LCOR: variants seen among roughly 807,000 people sequenced by gnomAD.
LCOR encodes ligand dependent nuclear receptor corepressor.
A neutral mutation model predicts 64.4 loss-of-function variants in LCOR; 14 were observed. The observed-to-expected ratio is 0.22, with a 90% confidence interval of 0.14 to 0.34. The LOEUF (loss-of-function observed/expected upper bound fraction) is 0.34. LCOR is among the 10% of genes least tolerant of loss of function. LCOR has a pLI of 1.00. For missense variants in LCOR, 1,686 were observed against 1,765.3 expected (o/e 0.96, Z 0.80); for synonymous variants, 643 against 642.5 (o/e 1.00, Z -0.01).
chr10:96,981,241 A>G lies in LCOR; in HGVS notation c.781A>G (p.Ser261Gly), dbSNP rs1231107364. 1.1e-6 allele frequency: 1 copy of G among 880,828 alleles called. No individual in the cohort carries two copies. The highest frequency in any genetic ancestry group is 1.8e-6 in the Non-Finnish European group (1 of 540,610). The allele number at this position is 880,828 out of a possible 1,614,324, so 54.6% of individuals were successfully genotyped here. A position where few individuals can be genotyped will look rare whatever the true frequency, so the allele number is the denominator to read the frequency against. The change falls in exon 8 of 8, where the codon AGT becomes GGT. Residue 261 changes from serine to glycine, a missense_variant. By Grantham distance (56) the Ser-to-Gly change is moderately conservative. Coordinates refer to ENST00000421806, the MANE Select transcript of LCOR (RefSeq NM_001346516.2). Reference protein sequence around the residue: ...PTTKSNSINSSSVDSFTPGYL... With the variant: ...PTTKSNSINSGSVDSFTPGYL... ...CACTAAATCGAATTCTATTAATAGC[A>G]GTTCAGTGGATAGTTTCACTCCGGG...
chr10:96,875,813 C>T (rs1846154731), intron 2 of LCOR, among the ~76,000 whole-genome samples: 1 of 151,948 alleles, frequency 6.6e-6, no homozygotes, highest in African/African-American at 2.4e-5. Flanking sequence ...CTGCAGTGAG[C>T]TGTGTTTGCA....
chr10:96,868,073 G>A (rs1435378176), intron 2 of LCOR, among the ~76,000 whole-genome samples: 4 of 151,504 alleles, frequency 2.6e-5, no homozygotes, highest in East Asian at 2.0e-4. Context: ...TAGTAGAGAC[G>A]GAGTTTCTCC....
chr10:96,985,138 G>C lies in LCOR; in HGVS notation c.*4G>C. ...GAGGCGGCTGGATGCAAAGTGATTG[G>C]AAAGATGGTAGCCAAGAGTAAAACT... On this transcript the variant is annotated 3_prime_UTR_variant, in exon 8 of 8. Transcript: ENST00000421806. The C allele has an allele frequency of 6.3e-7, 1 of 1,585,020 alleles. No individual in the cohort carries two copies. The highest frequency in any genetic ancestry group is 8.6e-7 in the Non-Finnish European group (1 of 1,169,548).
Position 96,981,308 on chromosome 10 carries a change from A to T in LCOR, c.848A>T (p.His283Leu). ...AATTGTTCCTCAGTGAACTTCCACC[A>T]CATCCCTAAAATCTTGGAGGGGCAG... ...ASNCSSVNFH[H>L]IPKILEGQTT... is the part of the protein sequence containing the mutation. The change falls in exon 8 of 8, where the codon CAC becomes CTC. Residue 283 changes from histidine to leucine, a missense_variant. His to Leu is a moderately conservative substitution (Grantham distance 99). This residue lies in a region of LCOR where 313 missense variants were observed against 247.2 expected (regional missense o/e 1.27). Coordinates refer to ENST00000421806, the MANE Select transcript of LCOR (RefSeq NM_001346516.2). 6.4e-7 allele frequency: 1 copy of T among 1,561,682 alleles called. No individual in the cohort carries two copies. The highest frequency in any genetic ancestry group is 8.8e-7 in the Non-Finnish European group (1 of 1,135,480).
chr10:96,923,811 G>A (rs185038865), intron 4 of LCOR, among the ~76,000 whole-genome samples: 3 of 152,194 alleles, frequency 2.0e-5, no homozygotes, highest in African/African-American at 7.2e-5. Flanking sequence ...TCTTTATCAG[G>A]GGTCAGCAAA....
intron 7 of LCOR, among the ~76,000 whole-genome samples, chr10:96,971,396 G>A (rs982238961): frequency 7.2e-5 from 11 of 152,134 alleles, no homozygotes; most frequent in Admixed American, 6.5e-4. Flanking sequence ...CTTAATGCCT[G>A]CCATGAGTTG....
At chr10:96,844,098 TCCCTCCCTTCCTTCCC>T (rs1845586590) in intron 2 of LCOR, among the ~76,000 whole-genome samples, 1 of 17,492 alleles carries the variant, frequency 5.7e-5, no homozygotes, top group Non-Finnish European at 1.1e-4. Context: ...CCACCCTCCC[TCCCTCCCTTCCTTCCC>T]CCCTCCCTCC....
intron 4 of LCOR, among the ~76,000 whole-genome samples, chr10:96,911,762 C>G (rs758839985): frequency 3.9e-5 from 6 of 152,172 alleles, no homozygotes; most frequent in Non-Finnish European, 7.3e-5. Context: ...TCTTTCCTTC[C>G]TCCCATTTTC....
At chr10:96,955,544 A>T in intron 7 of LCOR, 1 of 1,614,158 alleles carries the variant, frequency 6.2e-7, no homozygotes, top group East Asian at 2.2e-5. Flanking sequence ...TAGATGCTGG[A>T]CCCGATTCTT....
chr10:96,845,211 CGTT>C (rs756039110), intron 2 of LCOR, among the ~76,000 whole-genome samples: 23 of 151,938 alleles, frequency 1.5e-4, no homozygotes, highest in Non-Finnish European at 2.8e-4. Context: ...CACAGGAAGA[CGTT>C]GTGACAAAGG....
chr10:96,983,926 C>T lies in LCOR; in HGVS notation c.3466C>T (p.Arg1156Trp), dbSNP rs769608134. The T allele has an allele frequency of 6.2e-7, 1 of 1,614,124 alleles. No homozygotes were observed. Among genetic ancestry groups the T allele is most frequent in the Admixed American group, 1.7e-5 (1 of 60,012 alleles). The change falls in exon 8 of 8, where the codon CGG (arginine) becomes TGG (tryptophan). Residue 1156 changes from arginine to tryptophan, a missense_variant. Coordinates refer to ENST00000421806, the MANE Select transcript of LCOR (RefSeq NM_001346516.2). The surrounding 1 kb of genome is among the most constrained non-coding windows in gnomAD (Gnocchi z 4.5). ...KEIWKSKKRS[R>W]KCRSSLESQK... is the part of the protein sequence containing the mutation. ...GATTTGGAAAAGCAAGAAAAGGTCA[C>T]GGAAATGTAGGAGTTCATTGGAGAG...
chr10:96,956,121 G>T (rs916975436), intron 7 of LCOR: 149 of 1,394,526 alleles, frequency 1.1e-4, no homozygotes, highest in Non-Finnish European at 1.4e-4. Context: ...GTATGGCTCG[G>T]AATATGTTTG....
Position 96,914,487 on chromosome 10 carries a change from G to A in LCOR, c.-184+6740G>A, listed in dbSNP as rs576767352. Among the ~76,000 whole-genome samples the A allele has an allele frequency of 5.3e-4, 81 of 152,344 alleles. 1 individual carries two copies. The highest frequency in any genetic ancestry group is 1.1e-3 in the African/African-American group (46 of 41,580). On this transcript the variant is annotated intron_variant, in intron 4 of 7. Transcript: ENST00000421806. ...GCTGGGATTACAGGCGCGAGCCACCGCGCCTGGCCTTTATTGCTATTTTAA... is the reference window on the plus strand; with the variant it reads ...GCTGGGATTACAGGCGCGAGCCACCACGCCTGGCCTTTATTGCTATTTTAA...
intron 4 of LCOR, among the ~76,000 whole-genome samples, chr10:96,928,371 A>G (rs967705711): frequency 1.3e-5 from 2 of 152,128 alleles, no homozygotes; most frequent in Admixed American, 6.5e-5. Context: ...GTAAGAAACC[A>G]CTTTCTTCAA....
At chr10:96,868,278 CTT>C (rs528398644) in intron 2 of LCOR, among the ~76,000 whole-genome samples, 16 of 136,544 alleles carry the variant, frequency 1.2e-4, no homozygotes, top group Admixed American at 1.5e-4. Flanking sequence ...CTTTTCTTTT[CTT>C]TTTTTTTTTT....
At chr10:96,883,365 T>G (rs1401586770) in intron 2 of LCOR, among the ~76,000 whole-genome samples, 1 of 152,144 alleles carries the variant, frequency 6.6e-6, no homozygotes, top group Non-Finnish European at 1.5e-5. Context: ...ATGTTTTCAT[T>G]TTATTTGAGT....
chr10:96,950,277 T>C (rs1332014704), intron 6 of LCOR, among the ~76,000 whole-genome samples: 3 of 152,204 alleles, frequency 2.0e-5, no homozygotes, highest in Non-Finnish European at 4.4e-5. Flanking sequence ...GTAGTTTTCC[T>C]TTGCTTTTAT....
At chr10:96,971,564 G>C (rs1847999775) in intron 7 of LCOR, among the ~76,000 whole-genome samples, 1 of 152,158 alleles carries the variant, frequency 6.6e-6, no homozygotes, top group Admixed American at 6.5e-5. Context: ...TGAGAGTAGA[G>C]GAGAAACTAC....
intron 7 of LCOR, 62 bp from the exon 8 acceptor site, chr10:96,980,731 A>G (rs756985731): frequency 3.6e-4 from 221 of 610,614 alleles, no homozygotes; most frequent in Non-Finnish European, 4.7e-4. Context: ...GAATTTTATA[A>G]TGTAAAAATG....
Sources: gnomAD v4.1 joint callset for allele counts (sites outside exome capture counted in the v4.1 genomes callset) on GRCh38, gnomAD v4.1.1 for gene constraint, gnomAD v4.1.1 regional missense constraint, Gnocchi (gnomAD v3.1) non-coding constraint, MANE v1.5 for transcripts, NCBI Gene and HGNC (gene_info 2026-07-23, HGNC 2026-07-21) for gene names.